NKAIN2: variants seen among roughly 807,000 people sequenced by gnomAD.
The protein encoded by NKAIN2 is sodium/potassium transporting ATPase interacting 2.
In NKAIN2, 14 loss-of-function variants were observed where a neutral mutation model predicts 32.6. The observed-to-expected ratio is 0.43, with a 90% CI of 0.28 to 0.67. The LOEUF (loss-of-function observed/expected upper bound fraction) is 0.67, where lower values mean the gene tolerates loss of function less well. Among genes scored for constraint, NKAIN2 ranks in the 30% least tolerant of loss-of-function variants. The probability of loss-of-function intolerance (pLI) is 0.17; values close to 1 mark genes in which losing one functional copy is unlikely to be tolerated. For synonymous variants in NKAIN2, 80 were observed against 87.2 expected (o/e 0.92, Z 0.46); for missense variants, 198 against 258.3 (o/e 0.77, Z 1.60).
chr6:124,474,515 G>T (rs150086932), intron 3 of NKAIN2, among the ~76,000 whole-genome samples: 5 of 152,148 alleles, frequency 3.3e-5, no homozygotes, highest in Non-Finnish European at 4.4e-5. Flanking sequence ...GATACCTGTT[G>T]TAGTAGTGTG....
intron 1 of NKAIN2, among the ~76,000 whole-genome samples, chr6:124,146,160 T>G (rs1787385993): frequency 6.6e-6 from 1 of 152,142 alleles, no homozygotes; most frequent in Non-Finnish European, 1.5e-5. Flanking sequence ...TAATCAACAT[T>G]ATCTCAATAA....
Position 124,520,285 on chromosome 6 carries a change from G to A in NKAIN2, c.274-137901G>A, listed in dbSNP as rs1400700598. Among the ~76,000 whole-genome samples, 146 of 152,174 alleles carry A rather than the reference G, an allele frequency of 9.6e-4. 2 individuals carry two copies. Among genetic ancestry groups the A allele is most frequent in the Non-Finnish European group, 1.5e-4 (10 of 68,000 alleles). ...TTTGTTTGTTTTTTCTCAGTGATGC[G>A]TGTGATCCTGTTAACATCATACTTG... On this transcript the variant is annotated intron_variant, in intron 3 of 6. Transcript: ENST00000368417.
chr6:123,857,326 A>G (rs984219550), intron 1 of NKAIN2, among the ~76,000 whole-genome samples: 5 of 151,440 alleles, frequency 3.3e-5, no homozygotes, highest in African/African-American at 1.2e-4. Context: ...TTCAATGTGT[A>G]TATTATTTAC....
At chr6:124,118,050 A>G (rs1785700904) in intron 1 of NKAIN2, among the ~76,000 whole-genome samples, 1 of 152,098 alleles carries the variant, frequency 6.6e-6, no homozygotes, top group Non-Finnish European at 1.5e-5. Context: ...ACATCAGAGT[A>G]TTAGAGTATT....
At chr6:124,398,490 T>C (rs1301848748) in intron 3 of NKAIN2, among the ~76,000 whole-genome samples, 1 of 151,996 alleles carries the variant, frequency 6.6e-6, no homozygotes, top group East Asian at 1.9e-4. Flanking sequence ...TGATGGAAAA[T>C]AGGCTAGAAT....
chr6:124,409,748 G>C (rs544199062), intron 3 of NKAIN2, among the ~76,000 whole-genome samples: 1 of 152,128 alleles, frequency 6.6e-6, no homozygotes. Context: ...CTATTGATTG[G>C]AATAGTTTCA....
chr6:124,257,496 T>A (rs1395205587), intron 1 of NKAIN2, among the ~76,000 whole-genome samples: 1 of 152,196 alleles, frequency 6.6e-6, no homozygotes, highest in Non-Finnish European at 1.5e-5. Context: ...TGAGACTTCT[T>A]GATTATAAAA....
rs1772499227 is a variant in NKAIN2 at position 123,866,167 on chromosome 6, A to G, written c.54+61913A>G. 2.0e-5 allele frequency among the ~76,000 whole-genome samples: 3 copies of G among 152,256 alleles called. No individual in the cohort carries two copies. In the South Asian group the frequency reaches 6.2e-4, roughly 32 times the overall value. On this transcript the variant is annotated intron_variant, in intron 1 of 6. Coordinates refer to ENST00000368417, the MANE Select transcript of NKAIN2 (RefSeq NM_001040214.3). ...TGCATTTCACTCAGTGCCGTTGGTT[A>G]TTTAGTTTTCTCTCCCCTGTACCTT...
At chr6:124,353,846 A>G (rs997219416) in intron 2 of NKAIN2, among the ~76,000 whole-genome samples, 4 of 152,204 alleles carry the variant, frequency 2.6e-5, no homozygotes, top group Non-Finnish European at 5.9e-5. Flanking sequence ...ATGACTCCAG[A>G]GATCAACTGA....
At chr6:123,818,247 A>G (rs1163764438) in intron 1 of NKAIN2, among the ~76,000 whole-genome samples, 2 of 152,124 alleles carry the variant, frequency 1.3e-5, no homozygotes, top group Non-Finnish European at 2.9e-5. Context: ...AGGTCCAAGT[A>G]TGAGTTTTTA....
chr6:124,542,330 CAT>C (rs1187683665), intron 3 of NKAIN2, among the ~76,000 whole-genome samples: 3 of 152,052 alleles, frequency 2.0e-5, no homozygotes, highest in Admixed American at 2.0e-4. Flanking sequence ...GGGAGGAAAA[CAT>C]AAAAAATAAA....
intron 1 of NKAIN2, among the ~76,000 whole-genome samples, chr6:124,266,572 C>G (rs986651336): frequency 6.6e-6 from 1 of 152,186 alleles, no homozygotes; most frequent in Non-Finnish European, 1.5e-5. Context: ...AGCCACCATA[C>G]CAGGACTGAT....
intron 3 of NKAIN2, among the ~76,000 whole-genome samples, chr6:124,485,242 A>C (rs751953906): frequency 6.6e-6 from 1 of 152,148 alleles, no homozygotes; most frequent in South Asian, 2.1e-4. Context: ...CTGAATCAGA[A>C]ACTTGGACAG....
intron 3 of NKAIN2, among the ~76,000 whole-genome samples, chr6:124,435,206 C>T (rs577939984): frequency 3.3e-5 from 5 of 152,152 alleles, no homozygotes; most frequent in South Asian, 4.1e-4. Context: ...TGAGAAGGTG[C>T]GTTCCCAGAC....
chr6:124,668,433 G>T (rs1772924507), intron 4 of NKAIN2, among the ~76,000 whole-genome samples: 1 of 152,000 alleles, frequency 6.6e-6, no homozygotes, highest in Non-Finnish European at 1.5e-5. Context: ...TATAAATAGA[G>T]ACTATTCCTT....
intron 1 of NKAIN2, among the ~76,000 whole-genome samples, chr6:123,978,110 A>G (rs1778723348): frequency 6.6e-6 from 1 of 152,202 alleles, no homozygotes; most frequent in Non-Finnish European, 1.5e-5. Context: ...ACTTTATTTT[A>G]AAAGCTTAAT....
chr6:124,420,351 T>G (rs1013949867), intron 3 of NKAIN2, among the ~76,000 whole-genome samples: 1 of 152,138 alleles, frequency 6.6e-6, no homozygotes, highest in Non-Finnish European at 1.5e-5. Flanking sequence ...ACACATTTAC[T>G]TTTCAAATGA....
At chr6:124,327,437 A>G (rs1232874981) in intron 2 of NKAIN2, among the ~76,000 whole-genome samples, 3 of 152,100 alleles carry the variant, frequency 2.0e-5, no homozygotes, top group Non-Finnish European at 2.9e-5. Context: ...TATAATCTAT[A>G]AATAATAAAA....
chr6:124,445,401 G>A (rs1775847221), intron 3 of NKAIN2, among the ~76,000 whole-genome samples: 1 of 151,864 alleles, frequency 6.6e-6, no homozygotes, highest in Non-Finnish European at 1.5e-5. Flanking sequence ...CCCTGTATTT[G>A]TTAAGGGTTG....
Sources: gnomAD v4.1 joint callset for allele counts (sites outside exome capture counted in the v4.1 genomes callset) on GRCh38, gnomAD v4.1.1 for gene constraint, MANE v1.5 for transcripts, NCBI Gene and HGNC (gene_info 2026-07-23, HGNC 2026-07-21) for gene names.